The following ZBTB20 variants were observed in gnomAD, a reference collection of about 807,000 sequenced individuals.
ZBTB20 encodes zinc finger and BTB domain containing 20.
A neutral mutation model predicts 56.9 loss-of-function variants in ZBTB20; 9 were observed. The ratio of observed to expected loss-of-function variants is 0.16; its 90% CI spans 0.10 to 0.28. The LOEUF (loss-of-function observed/expected upper bound fraction) is 0.28, where lower values mean the gene tolerates loss of function less well. Among genes scored for constraint, ZBTB20 ranks in the 10% least tolerant of loss-of-function variants. The probability of loss-of-function intolerance (pLI) is 1.00; values close to 1 mark genes in which losing one functional copy is unlikely to be tolerated. For missense variants in ZBTB20, 655 were observed against 1,003.0 expected, an observed-to-expected ratio of 0.65 and a Z score of 4.69; for synonymous variants, 417 against 420.7, an observed-to-expected ratio of 0.99 and a Z score of 0.11.
chr3:114,439,417 A>G (rs2090758335), intron 7 of ZBTB20, among the ~76,000 whole-genome samples: 1 of 152,130 alleles, frequency 6.6e-6, no homozygotes, highest in Admixed American at 6.5e-5. Context: ...CACCAACAGT[A>G]TGCTTTCTCC....
intron 5 of ZBTB20, among the ~76,000 whole-genome samples, chr3:114,705,001 T>C (rs993430546): frequency 5.3e-5 from 8 of 152,152 alleles, no homozygotes; most frequent in Admixed American, 3.3e-4. Flanking sequence ...TACTATACCA[T>C]TTAATCTGTA....
chr3:114,571,597 C>G (rs1284807995), intron 6 of ZBTB20, among the ~76,000 whole-genome samples: 1 of 152,090 alleles, frequency 6.6e-6, no homozygotes, highest in Non-Finnish European at 1.5e-5. Flanking sequence ...AGCCACACAG[C>G]ATTAAGCAGG....
intron 4 of ZBTB20, among the ~76,000 whole-genome samples, chr3:114,871,995 C>G (rs1351644538): frequency 6.6e-6 from 1 of 152,044 alleles, no homozygotes. Context: ...GATCTTCTCT[C>G]TGCCTAGAGT....
intron 4 of ZBTB20, chr3:114,876,433 G>C (rs1249532426): frequency 6.6e-6 from 1 of 152,016 alleles, no homozygotes; most frequent in Non-Finnish European, 1.5e-5. Context: ...CTGGGCAACA[G>C]AGCAAGACCC....
At chr3:115,109,799 A>G (rs553834554) in intron 1 of ZBTB20, among the ~76,000 whole-genome samples, 71 of 152,340 alleles carry the variant, frequency 4.7e-4, no homozygotes, top group Non-Finnish European at 9.1e-4. Flanking sequence ...GAGGAAAAGT[A>G]TATTAAGTAT....
At chr3:115,063,504 T>C (rs2082087499) in intron 2 of ZBTB20, among the ~76,000 whole-genome samples, 1 of 152,136 alleles carries the variant, frequency 6.6e-6, no homozygotes, top group South Asian at 2.1e-4. Flanking sequence ...CATGGCCTAA[T>C]TACCTACCAA....
At chr3:114,861,474 C>T (rs11711665) in intron 4 of ZBTB20, among the ~76,000 whole-genome samples, 37,108 of 151,786 alleles carry the variant, frequency 0.24, 4,928 homozygotes, top group Middle Eastern at 0.31. Context: ...ACCTTATTTT[C>T]TGCTGATAAG....
chr3:114,760,700 T>G (rs527883493), intron 5 of ZBTB20, among the ~76,000 whole-genome samples: 1 of 152,204 alleles, frequency 6.6e-6, no homozygotes. Context: ...CACTGGCACA[T>G]AGTAACATAC....
At chr3:114,500,301 C>T (rs945989655) in intron 7 of ZBTB20, 51 bp downstream of exon 7, 1 of 151,984 alleles carries the variant, frequency 6.6e-6, no homozygotes, top group Non-Finnish European at 1.5e-5. Flanking sequence ...ACCACAATTT[C>T]CTAAATCTGA....
rs563470316 is a variant in ZBTB20, at chr3:114,938,685, T to C, written c.-456+35681A>G. ...TGGGGCCTGTCGGGTGGTGGGGAAG[T>C]AGGGGAGGGATAGCATTAGGAGAAA... On this transcript the variant is annotated intron_variant, in intron 3 of 11. Coordinates refer to ENST00000675478, the MANE Select transcript of ZBTB20 (RefSeq NM_001348800.3). Among the ~76,000 whole-genome samples, 74 of 144,598 alleles carry C rather than the reference T, an allele frequency of 5.1e-4. 14 individuals are homozygous for C. The highest frequency in any genetic ancestry group is 2.0e-3 in the African/African-American group (70 of 34,808). 94.9% of individuals were successfully genotyped at this position (144,598 alleles called of 152,430 possible).
At chr3:115,071,110 T>C (rs1423293822) in intron 2 of ZBTB20, 109 bp downstream of exon 2, 2 of 152,174 alleles carry the variant, frequency 1.3e-5, no homozygotes, top group African/African-American at 4.8e-5. Flanking sequence ...AAATTGTTAT[T>C]ACTGGAAATC....
chr3:114,920,789 A>G (rs1277682875), intron 3 of ZBTB20, among the ~76,000 whole-genome samples: 1 of 152,094 alleles, frequency 6.6e-6, no homozygotes, highest in African/African-American at 2.4e-5. Context: ...AAAATAATAG[A>G]AAAGATCAGT....
intron 6 of ZBTB20, among the ~76,000 whole-genome samples, chr3:114,610,950 C>T (rs2057503843): frequency 6.6e-6 from 1 of 152,064 alleles, no homozygotes; most frequent in African/African-American, 2.4e-5. Flanking sequence ...AAATTTTTAT[C>T]CTTCAAAAAA....
In ZBTB20 at chr3:114,416,467, T is replaced by C. The variant is rs182116030; in HGVS notation, c.-254-27362A>G. 1.7e-3 allele frequency among the ~76,000 whole-genome samples: 261 copies of C among 152,214 alleles called. 2 individuals are homozygous for C. The highest frequency in any genetic ancestry group is 3.2e-3 in the Non-Finnish European group (218 of 67,988). On this transcript the variant is annotated intron_variant, in intron 7 of 11. Coordinates refer to ENST00000675478, the MANE Select transcript of ZBTB20 (RefSeq NM_001348800.3). ...GCTTGCAACATACAGGGTTTTGTTT[T>C]GTTTTGGTTTTGCTTCCATGAGTGT...
chr3:114,518,996 T>G (rs578027906), intron 6 of ZBTB20: 1 of 152,302 alleles, frequency 6.6e-6, no homozygotes, highest in African/African-American at 2.4e-5. Flanking sequence ...ATGCCCTTTG[T>G]TTCTATTGGG....
In ZBTB20 at chr3:114,625,333, G is replaced by A. The variant is rs58679289; in HGVS notation, c.-295+68195C>T. 5.3e-3 allele frequency among the ~76,000 whole-genome samples: 813 copies of A among 152,202 alleles called. 16 individuals carry two copies. The highest frequency in any genetic ancestry group is 0.019 in the African/African-American group (786 of 41,528). On this transcript the variant is annotated intron_variant, in intron 6 of 11. Transcript: ENST00000675478. ...CTGGAGGATAAAAGATGCTCATTAA[G>A]GTTTCTGAAATGTCTTTTCTTCCAC...
At chr3:114,531,124 A>T (rs2047795113) in intron 6 of ZBTB20, among the ~76,000 whole-genome samples, 1 of 152,186 alleles carries the variant, frequency 6.6e-6, no homozygotes, top group African/African-American at 2.4e-5. Flanking sequence ...GCATTTTAAG[A>T]AAATCTAAAT....
intron 4 of ZBTB20, among the ~76,000 whole-genome samples, chr3:114,851,043 A>C (rs927761771): frequency 5.9e-5 from 9 of 152,176 alleles, no homozygotes; most frequent in African/African-American, 2.2e-4. Context: ...CTGTCTACCC[A>C]AACTCTCTTA....
rs141887432 is a variant in ZBTB20 at position 114,640,804 on chromosome 3, G to A, written c.-295+52724C>T. Among the ~76,000 whole-genome samples, 1,052 of 152,058 alleles carry A rather than the reference G, an allele frequency of 6.9e-3. 5 individuals are homozygous for A. Among genetic ancestry groups the A allele is most frequent in the Non-Finnish European group, 0.011 (733 of 67,914 alleles). On this transcript the variant is annotated intron_variant, in intron 6 of 11. Coordinates refer to ENST00000675478, the MANE Select transcript of ZBTB20 (RefSeq NM_001348800.3). ...AAAACATTATTAATTTAATCTCAGA[G>A]CTTTAATCAGAAAAAGTTTATTTTA... is the stretch of plus-strand genomic sequence containing the variant.
Sources: allele counts gnomAD v4.1 joint callset (sites outside exome capture counted in the v4.1 genomes callset), GRCh38; gene constraint gnomAD v4.1.1; transcripts MANE v1.5; gene names NCBI Gene and HGNC (gene_info 2026-07-23, HGNC 2026-07-21).